Variants in ZBTB7C observed in about 807,000 individuals in gnomAD.
ZBTB7C encodes the protein zinc finger and BTB domain containing 7C.
Under a neutral mutation model 25.7 loss-of-function variants are expected in ZBTB7C, and 8 were observed. The observed-to-expected ratio is 0.31, with a 90% CI of 0.18 to 0.56. ZBTB7C has a LOEUF of 0.56. ZBTB7C is among the 20% of genes least tolerant of loss of function. ZBTB7C has a pLI of 0.91. For missense variants in ZBTB7C, 824 were observed against 855.2 expected (o/e 0.96, Z 0.46); for synonymous variants, 394 against 369.0 (o/e 1.07, Z -0.78).
rs554594111 is a variant in ZBTB7C, at chr18:48,392,634, C to T, written c.-304+16592G>A. On this transcript the variant is annotated intron_variant, in intron 1 of 4. Coordinates refer to ENST00000590800, the MANE Select transcript of ZBTB7C (RefSeq NM_001318841.2). ...AGAACTCTTCTAGCAGTTTTTCCAG[C>T]TTTTACCAGAATCTCTCCCCTATCC... 9.0e-4 allele frequency among the ~76,000 whole-genome samples: 137 copies of T among 152,308 alleles called. No homozygotes were observed. In the Middle Eastern group the frequency reaches 0.02, roughly 23 times the overall value.
intron 2 of ZBTB7C, among the ~76,000 whole-genome samples, chr18:48,211,951 G>A (rs1298098342): frequency 1.3e-5 from 2 of 152,178 alleles, no homozygotes; most frequent in Admixed American, 6.5e-5. Context: ...GTGTCCTTCA[G>A]CGGGTGAATG....
intron 2 of ZBTB7C, among the ~76,000 whole-genome samples, chr18:48,218,501 G>A (rs557544780): frequency 7.2e-5 from 11 of 152,362 alleles, no homozygotes; most frequent in African/African-American, 2.6e-4. Context: ...GGACAGCTTG[G>A]GGTTTGCCTG....
At chr18:48,169,126 G>T (rs150999202) in intron 3 of ZBTB7C, among the ~76,000 whole-genome samples, 2 of 152,208 alleles carry the variant, frequency 1.3e-5, no homozygotes, top group Non-Finnish European at 2.9e-5. Context: ...CAATAGAAAG[G>T]TAAGAAAGTG....
At chr18:48,228,463 T>C (rs1269020995) in intron 2 of ZBTB7C, among the ~76,000 whole-genome samples, 1 of 152,098 alleles carries the variant, frequency 6.6e-6, no homozygotes, top group Non-Finnish European at 1.5e-5. Context: ...TTGCTGCGGA[T>C]GGGTGGGGCA....
At chr18:48,325,906 T>G (rs1050722775) in intron 2 of ZBTB7C, among the ~76,000 whole-genome samples, 2 of 151,990 alleles carry the variant, frequency 1.3e-5, no homozygotes, top group African/African-American at 2.4e-5. Context: ...TCAGGACCCA[T>G]AAGTCTTCAC....
chr18:48,125,832 G>C (rs993841368), intron 3 of ZBTB7C, among the ~76,000 whole-genome samples: 3 of 152,182 alleles, frequency 2.0e-5, no homozygotes, highest in African/African-American at 7.2e-5. Context: ...AGTCTGGTGT[G>C]GTGTGGCTGC....
chr18:48,162,156 C>G (rs1026258114), intron 3 of ZBTB7C, among the ~76,000 whole-genome samples: 2 of 149,740 alleles, frequency 1.3e-5, no homozygotes, highest in African/African-American at 4.8e-5. Context: ...TAGTTATCAG[C>G]TGGGTGGAGG....
chr18:48,348,180 G>A (rs1259265023), intron 1 of ZBTB7C, among the ~76,000 whole-genome samples: 1 of 152,224 alleles, frequency 6.6e-6, no homozygotes, highest in Non-Finnish European at 1.5e-5. Context: ...GGAGGGGTGG[G>A]GATGTTACAC....
At chr18:48,102,297 C>T (rs1299702125) in intron 3 of ZBTB7C, among the ~76,000 whole-genome samples, 1 of 152,172 alleles carries the variant, frequency 6.6e-6, no homozygotes, top group African/African-American at 2.4e-5. Flanking sequence ...GGTGCAGTGG[C>T]TCGCAGCTGT....
intron 2 of ZBTB7C, among the ~76,000 whole-genome samples, chr18:48,196,471 G>A (rs2042320730): frequency 6.6e-6 from 1 of 152,194 alleles, no homozygotes; most frequent in Admixed American, 6.5e-5. Flanking sequence ...GGCATCTGCA[G>A]TAGGTTGCTT....
chr18:48,106,249 A>G (rs368550058), intron 3 of ZBTB7C, among the ~76,000 whole-genome samples: 2 of 151,764 alleles, frequency 1.3e-5, no homozygotes, highest in African/African-American at 2.4e-5. Flanking sequence ...CCAGCATCTC[A>G]TCTTCAGCAA....
At chr18:48,052,665 T>G (rs1306668626) in intron 3 of ZBTB7C, among the ~76,000 whole-genome samples, 1 of 152,054 alleles carries the variant, frequency 6.6e-6, no homozygotes, top group African/African-American at 2.4e-5. Flanking sequence ...AGGTGTGCAG[T>G]CAGCAGACAG....
At chr18:48,146,624 A>T (rs905120230) in intron 3 of ZBTB7C, among the ~76,000 whole-genome samples, 1 of 152,224 alleles carries the variant, frequency 6.6e-6, no homozygotes, top group Non-Finnish European at 1.5e-5. Flanking sequence ...CGAAATCTTG[A>T]TCTAGAACTG....
chr18:48,089,482 A>G (rs1214733261), intron 3 of ZBTB7C, among the ~76,000 whole-genome samples: 12 of 149,082 alleles, frequency 8.0e-5, no homozygotes, highest in Non-Finnish European at 1.5e-4. Flanking sequence ...CCATCTCGAA[A>G]AAAAAAAAAA....
Position 48,040,902 on chromosome 18 carries a change from G to A in ZBTB7C, c.206C>T (p.Ala69Val), listed in dbSNP as rs766182373. 6.2e-7 allele frequency: 1 copy of A among 1,614,164 alleles called. No individual in the cohort carries two copies. The highest frequency in any genetic ancestry group is 8.5e-7 in the Non-Finnish European group (1 of 1,180,034). Residue 69 changes from alanine to valine, a missense_variant, in exon 4 of 5, where the codon GCC (alanine) becomes GTC (valine). Around this residue, in one of 4 missense-constraint regions of ZBTB7C, gnomAD observed 117 missense variants for 167.7 expected, o/e 0.70. Transcript: ENST00000590800. ...GATCTCATAGACGTAGGGCTGGCTGGCTAGGGTGCCGGCTGTGAAAAGCTT... is the reference window on the plus strand; with the variant it reads ...GATCTCATAGACGTAGGGCTGGCTGACTAGGGTGCCGGCTGTGAAAAGCTT... ...FKKLFTAGTL[A>V]SQPYVYEIDF...
intron 4 of ZBTB7C, among the ~76,000 whole-genome samples, chr18:48,033,746 G>C (rs2035855584): frequency 6.6e-6 from 1 of 152,204 alleles, no homozygotes; most frequent in Non-Finnish European, 1.5e-5. Context: ...GATAAGGAAA[G>C]AAAGGACCAA....
chr18:48,278,443 C>CT (rs538246350), intron 2 of ZBTB7C, among the ~76,000 whole-genome samples: 7,709 of 145,872 alleles, frequency 0.053, 228 homozygotes, highest in Non-Finnish European at 0.074. Context: ...TCTTTTTTTT[C>CT]TTTTTTTTTT....
intron 1 of ZBTB7C, among the ~76,000 whole-genome samples, chr18:48,340,456 G>A (rs1158951898): frequency 3.9e-5 from 6 of 152,308 alleles, no homozygotes; most frequent in Admixed American, 6.5e-5. Flanking sequence ...ATCGCTCTTT[G>A]TCCCAGGCTG....
intron 1 of ZBTB7C, among the ~76,000 whole-genome samples, chr18:48,377,164 C>T (rs527540941): frequency 2.0e-5 from 3 of 152,208 alleles, no homozygotes; most frequent in Admixed American, 6.5e-5. Context: ...CACCCCCCAA[C>T]AGAGCATCAT....
Sources: gnomAD v4.1 joint callset for allele counts (sites outside exome capture counted in the v4.1 genomes callset) on GRCh38, gnomAD v4.1.1 for gene constraint, gnomAD v4.1.1 regional missense constraint, MANE v1.5 for transcripts, NCBI Gene and HGNC (gene_info 2026-07-23, HGNC 2026-07-21) for gene names.